FILIP1L: variants seen among roughly 807,000 people sequenced by gnomAD.
The protein encoded by FILIP1L is filamin A interacting protein 1 like, also known as filamin A-interacting protein 1-like.
FILIP1L carries 55 observed loss-of-function variants against 96.6 expected under a neutral mutation model. The ratio of observed to expected loss-of-function variants is 0.57; its 90% CI spans 0.46 to 0.71. The LOEUF is 0.71. FILIP1L is among the 30% of genes least tolerant of loss of function. The pLI is 0.00. For synonymous variants in FILIP1L, 467 were observed against 473.9 expected (o/e 0.99, Z 0.19); for missense variants, 1,304 against 1,321.2 (o/e 0.99, Z 0.20).
intron 1 of FILIP1L, among the ~76,000 whole-genome samples, chr3:100,096,825 C>A (rs186876640): frequency 6.6e-6 from 1 of 152,248 alleles, no homozygotes; most frequent in African/African-American, 2.4e-5. Flanking sequence ...CCTTATTTCC[C>A]ATGATGTGAT....
intron 4 of FILIP1L, among the ~76,000 whole-genome samples, chr3:99,886,159 CCTA>C (rs2107608388): frequency 6.6e-6 from 1 of 152,308 alleles, no homozygotes; most frequent in Non-Finnish European, 1.5e-5. Flanking sequence ...ATAGAAGAGT[CCTA>C]CTGTATTCTT....
At chr3:99,900,405 C>T (rs1449367214) in intron 4 of FILIP1L, among the ~76,000 whole-genome samples, 1 of 152,032 alleles carries the variant, frequency 6.6e-6, no homozygotes, top group African/African-American at 2.4e-5. Flanking sequence ...TTACAGCAGC[C>T]CTATAAGGGT....
At chr3:99,899,692 T>C (rs1706373368) in intron 4 of FILIP1L, among the ~76,000 whole-genome samples, 1 of 152,216 alleles carries the variant, frequency 6.6e-6, no homozygotes, top group Admixed American at 6.5e-5. Flanking sequence ...TCCCACCTCC[T>C]TGATTGTGAT....
At chr3:100,029,081 C>T (rs1024367854) in intron 1 of FILIP1L, among the ~76,000 whole-genome samples, 2 of 151,998 alleles carry the variant, frequency 1.3e-5, no homozygotes, top group African/African-American at 4.8e-5. Context: ...TCCCAAGCTA[C>T]CCTGGGAGCT....
chr3:100,022,330 T>TCAG (rs2064840699), intron 1 of FILIP1L, among the ~76,000 whole-genome samples: 1 of 152,154 alleles, frequency 6.6e-6, no homozygotes, highest in Admixed American at 6.5e-5. Context: ...ATGTCCAATA[T>TCAG]CAGCCCTTGG....
At chr3:99,977,251 C>T (rs1287064914) in intron 1 of FILIP1L, among the ~76,000 whole-genome samples, 1 of 152,062 alleles carries the variant, frequency 6.6e-6, no homozygotes, top group Non-Finnish European at 1.5e-5. Context: ...GAGCTGATGC[C>T]TCATCCCAGG....
intron 5 of FILIP1L, among the ~76,000 whole-genome samples, chr3:99,837,970 G>A (rs1942968802): frequency 5.9e-5 from 9 of 152,166 alleles, no homozygotes; most frequent in Admixed American, 5.9e-4. Flanking sequence ...GATGTGCATG[G>A]TTGTGATGTT....
Position 100,033,163 on chromosome 3 carries a change from G to A in FILIP1L, c.-11+80890C>T, listed in dbSNP as rs925483787. Among the ~76,000 whole-genome samples, 9 of 152,226 alleles carry A rather than the reference G, an allele frequency of 5.9e-5. No homozygotes were observed. In the East Asian group the frequency reaches 1.5e-3, roughly 26 times the overall value. ...ACTCTGTGGTTACTGTATGGTAATGGAATTATTTTGGCCCCTTAAAACCTT... is the reference window on the plus strand; with the variant it reads ...ACTCTGTGGTTACTGTATGGTAATGAAATTATTTTGGCCCCTTAAAACCTT... On this transcript the variant is annotated intron_variant, in intron 1 of 5. Transcript: ENST00000477258.
intron 1 of FILIP1L, among the ~76,000 whole-genome samples, chr3:100,008,282 A>T (rs953019721): frequency 6.6e-6 from 1 of 152,174 alleles, no homozygotes; most frequent in African/African-American, 2.4e-5. Flanking sequence ...CAGCAATAGC[A>T]TAGACTTGAA....
chr3:99,963,584 T>C (rs898184121), intron 1 of FILIP1L, among the ~76,000 whole-genome samples: 2 of 152,142 alleles, frequency 1.3e-5, no homozygotes, highest in East Asian at 1.9e-4. Context: ...CTCTTTGCCT[T>C]GATGGTGTTA....
In FILIP1L at chr3:100,063,295, C is replaced by T. The variant is rs550539353; in HGVS notation, c.-11+50758G>A. ...CCTCAGTTTAGAAATAAAATTTTAA[C>T]AGAAAATTTAAAAATTGGTTCCACA... On this transcript the variant is annotated intron_variant, in intron 1 of 5. Coordinates refer to ENST00000477258, the MANE Select transcript of FILIP1L (RefSeq NM_001387850.1). 3.3e-5 allele frequency among the ~76,000 whole-genome samples: 5 copies of T among 152,180 alleles called. No individual in the cohort carries two copies. In the South Asian group the frequency reaches 1.0e-3, roughly 32 times the overall value.
At chr3:99,945,544 G>A (rs1362587729) in intron 1 of FILIP1L, among the ~76,000 whole-genome samples, 2 of 152,052 alleles carry the variant, frequency 1.3e-5, no homozygotes, top group African/African-American at 4.8e-5. Flanking sequence ...AATTAAGGAG[G>A]GAAACAAAGA....
intron 4 of FILIP1L, among the ~76,000 whole-genome samples, chr3:99,915,596 A>G (rs1029149929): frequency 2.6e-5 from 4 of 152,104 alleles, no homozygotes; most frequent in Admixed American, 2.6e-4. Flanking sequence ...AAGTAGAGTG[A>G]TTTACCAAAA....
chr3:99,910,561 CAAGGA>C (rs1706756863), intron 4 of FILIP1L, among the ~76,000 whole-genome samples: 1 of 136,470 alleles, frequency 7.3e-6, no homozygotes, highest in Admixed American at 7.8e-5. Flanking sequence ...TACCACTTTC[CAAGGA>C]AACAATTTTT....
intron 1 of FILIP1L, among the ~76,000 whole-genome samples, chr3:100,060,993 T>A (rs1215265499): frequency 6.6e-6 from 1 of 152,206 alleles, no homozygotes; most frequent in Non-Finnish European, 1.5e-5. Flanking sequence ...GGTGATGAGT[T>A]GCAGCATAGC....
intron 1 of FILIP1L, among the ~76,000 whole-genome samples, chr3:100,103,859 G>A (rs929393234): frequency 6.6e-6 from 1 of 152,182 alleles, no homozygotes; most frequent in Non-Finnish European, 1.5e-5. Context: ...TGTGTTGGCA[G>A]CATTATCAAT....
intron 5 of FILIP1L, among the ~76,000 whole-genome samples, chr3:99,842,868 C>T (rs1943196743): frequency 6.6e-6 from 1 of 152,110 alleles, no homozygotes; most frequent in Admixed American, 6.6e-5. Flanking sequence ...TTATGAAGTA[C>T]TTAGAGGTGT....
At chr3:100,110,783 A>G (rs2066477556) in intron 1 of FILIP1L, among the ~76,000 whole-genome samples, 1 of 152,144 alleles carries the variant, frequency 6.6e-6, no homozygotes, top group Non-Finnish European at 1.5e-5. Flanking sequence ...TACCCATGAT[A>G]AACTGCTTCT....
At chr3:99,944,489 T>A (rs994531704) in intron 1 of FILIP1L, among the ~76,000 whole-genome samples, 2 of 152,220 alleles carry the variant, frequency 1.3e-5, no homozygotes, top group African/African-American at 4.8e-5. Flanking sequence ...AAATTTACTG[T>A]CTGCAGGCAC....
Sources: gnomAD v4.1 joint callset for allele counts (sites outside exome capture counted in the v4.1 genomes callset) on GRCh38, gnomAD v4.1.1 for gene constraint, MANE v1.5 for transcripts, NCBI Gene and HGNC (gene_info 2026-07-23, HGNC 2026-07-21) for gene names.